The following TFIP11 variants were observed in gnomAD, a reference collection of about 807,000 sequenced individuals.
The protein encoded by TFIP11 is tuftelin interacting protein 11.
Under a neutral mutation model 96.8 loss-of-function variants are expected in TFIP11, and 86 were observed. That is an observed-to-expected ratio of 0.89 (90% CI 0.75 to 1.06). TFIP11 has a LOEUF of 1.06. Ranked by LOEUF, TFIP11 falls within the 50% of genes least tolerant of loss-of-function variation. The pLI is 0.00. For synonymous variants in TFIP11, 405 were observed against 395.2 expected (o/e 1.02, Z -0.29); for missense variants, 881 against 1,076.7 (o/e 0.82, Z 2.54).
chr22:26,501,877 C>A, intron 8 of TFIP11, 23 bp downstream of exon 8: 1 of 1,593,748 alleles, frequency 6.3e-7, no homozygotes, highest in Non-Finnish European at 8.6e-7. Context: ...GATCCTGTAC[C>A]AGGTGTCCAA....
intron 4 of TFIP11, 39 bp from the exon 5 acceptor site, chr22:26,506,967 G>T (rs1272020468): frequency 8.1e-6 from 13 of 1,603,726 alleles, no homozygotes; most frequent in Admixed American, 6.8e-5. Flanking sequence ...GGTCGGTAAA[G>T]AACTCTTTTC....
At chr22:26,508,680 A>G (rs1923702690) in intron 4 of TFIP11, among the ~76,000 whole-genome samples, 1 of 152,112 alleles carries the variant, frequency 6.6e-6, no homozygotes, top group South Asian at 2.1e-4. Context: ...CCCCGTCTCT[A>G]CTAAAAATAC....
intron 10 of TFIP11, 140 bp from the exon 11 acceptor site, chr22:26,497,029 C>A: frequency 9.9e-7 from 1 of 1,011,278 alleles, no homozygotes; most frequent in Non-Finnish European, 1.4e-6. Flanking sequence ...TCAGGCCAGT[C>A]ACCATACTGG....
Position 26,510,054 on chromosome 22 carries a change from C to G in TFIP11, c.209+10G>C. The G allele has an allele frequency of 1.9e-6, 3 of 1,612,358 alleles. No homozygotes were observed. The highest frequency in any genetic ancestry group is 2.7e-5 in the African/African-American group (2 of 74,968). On this transcript the variant is annotated intron_variant, in intron 4 of 14. Coordinates refer to ENST00000407690, the MANE Select transcript of TFIP11 (RefSeq NM_012143.4). ...AAGCAAGGTGAAGCAGCCCCCATGC[C>G]AGGCAATACCGTTTGCCTCCAAAGC...
At chr22:26,504,384 C>A (rs1219285711) in intron 6 of TFIP11, among the ~76,000 whole-genome samples, 1 of 152,210 alleles carries the variant, frequency 6.6e-6, no homozygotes, top group Non-Finnish European at 1.5e-5. Flanking sequence ...CCCTGCCCCC[C>A]TTCCATTTAG....
rs143797070 is a variant in TFIP11, at chr22:26,509,459, G to A, written c.209+605C>T. 9.6e-3 allele frequency among the ~76,000 whole-genome samples: 1,469 copies of A among 152,338 alleles called. 11 individuals carry two copies. The highest frequency in any genetic ancestry group is 0.016 in the Non-Finnish European group (1,066 of 68,036). ...AGTCACAAGTTTGATCGTCTGAGTT[G>A]TTAATGCCTATTTCCATCTTCTAAT... is the stretch of plus-strand genomic sequence containing the variant. On this transcript the variant is annotated intron_variant, in intron 4 of 14. Transcript: ENST00000407690.
At chr22:26,512,012 T>A (rs1244663109) in intron 2 of TFIP11, 87 bp downstream of exon 2, 1 of 152,208 alleles carries the variant, frequency 6.6e-6, no homozygotes, top group African/African-American at 2.4e-5. Flanking sequence ...ATCAACTGTC[T>A]GCATCAAGAC....
In TFIP11 at chr22:26,492,036, T is replaced by C; in HGVS notation, c.2491A>G (p.Ser831Gly). The C allele has an allele frequency of 2.5e-6, 4 of 1,603,244 alleles. No homozygotes were observed. Among genetic ancestry groups the C allele is most frequent in the Non-Finnish European group, 3.4e-6 (4 of 1,174,944 alleles). ...EKTWVPTSLQ[S>G]LIDMAK ...GTTCACTTGGCCATGTCGATCAGGC[T>C]CTGCAGTGAGGTGGGCACCCACGTC... The change falls in exon 15 of 15, where the codon AGC becomes GGC. Residue 831 changes from serine (S) to glycine (G), a missense_variant. By Grantham distance (56) the Ser-to-Gly change is moderately conservative (BLOSUM62 0). Transcript: ENST00000407690.
At chr22:26,498,754 G>A in intron 10 of TFIP11, 115 bp downstream of exon 10, 1 of 772,306 alleles carries the variant, frequency 1.3e-6, no homozygotes. Flanking sequence ...AGCACTGTCA[G>A]CATGAGCAGA....
At chr22:26,494,559 C>T in intron 13 of TFIP11, 2 of 704,240 alleles carry the variant, frequency 2.8e-6, no homozygotes, top group Non-Finnish European at 4.6e-6. Context: ...ATATCCCCTA[C>T]CCCATAGGGT....
intron 13 of TFIP11, 41 bp from the exon 14 acceptor site, chr22:26,494,345 A>C (rs377035333): frequency 6.2e-7 from 1 of 1,613,414 alleles, no homozygotes; most frequent in African/African-American, 1.3e-5. Flanking sequence ...CGTGGCAACA[A>C]ATGAAGGCAA....
chr22:26,498,477 C>A (rs770177309), intron 10 of TFIP11, among the ~76,000 whole-genome samples: 1 of 140,170 alleles, frequency 7.1e-6, no homozygotes, highest in Non-Finnish European at 1.5e-5. Context: ...AGGCAGTTGG[C>A]GGTTGCAGTG....
chr22:26,498,964 A>C lies in TFIP11; in HGVS notation c.1341T>G (p.Tyr447Ter), dbSNP rs570811760. 1.9e-6 allele frequency: 3 copies of C among 1,613,720 alleles called. No individual in the cohort carries two copies. The highest frequency in any genetic ancestry group is 2.2e-5 in the South Asian group (2 of 91,072). ...KEWDPLKDCT[Y>*]GTEIISKWKS... The stretch of plus-strand genomic sequence containing the variant: ...TCCACTTAGAGATGATCTCGGTGCC[A>C]TAAGTGCAGTCCTGAGGAGAAAGGT... Residue 447 changes from tyrosine to a stop codon, truncating the protein, a stop_gained, in exon 10 of 15, where the codon TAT (tyrosine) becomes TAG (stop). Coordinates refer to ENST00000407690, the MANE Select transcript of TFIP11 (RefSeq NM_012143.4). LOFTEE classifies it high-confidence loss of function.
intron 5 of TFIP11, 38 bp downstream of exon 5, chr22:26,506,737 G>A (rs777993404): frequency 6.2e-7 from 1 of 1,610,208 alleles, no homozygotes; most frequent in East Asian, 2.2e-5. Flanking sequence ...GACCTTTGAA[G>A]GATATTCCTA....
At chr22:26,498,818 A>G (rs1273144019) in intron 10 of TFIP11, 51 bp downstream of exon 10, 4 of 1,488,374 alleles carry the variant, frequency 2.7e-6, no homozygotes, top group African/African-American at 1.4e-5. Context: ...AATCCTTCCC[A>G]ACCCCCCAGG....
intron 6 of TFIP11, among the ~76,000 whole-genome samples, chr22:26,504,751 T>C (rs1388938755): frequency 2.0e-5 from 3 of 152,054 alleles, no homozygotes; most frequent in Non-Finnish European, 4.4e-5. Context: ...GTACCTAATG[T>C]TTTCAACACA....
chr22:26,497,148 G>A (rs528172843), intron 10 of TFIP11, among the ~76,000 whole-genome samples: 2 of 152,254 alleles, frequency 1.3e-5, no homozygotes, highest in South Asian at 4.1e-4. Flanking sequence ...AGGGTCACAA[G>A]GGCCTCTTCC....
chr22:26,505,290 T>A (rs1923262366), intron 6 of TFIP11, among the ~76,000 whole-genome samples: 1 of 152,052 alleles, frequency 6.6e-6, no homozygotes. Flanking sequence ...GGGCTGGCCA[T>A]GAGAAGACAG....
At chr22:26,502,107 G>C (rs1237429713) in intron 7 of TFIP11, 55 bp from the exon 8 acceptor site, 1 of 1,608,822 alleles carries the variant, frequency 6.2e-7, no homozygotes, top group South Asian at 1.1e-5. Context: ...TTTTACCACA[G>C]GTGAGGTAGC....
Sources: gnomAD v4.1 joint callset for allele counts (sites outside exome capture counted in the v4.1 genomes callset) on GRCh38, gnomAD v4.1.1 for gene constraint, MANE v1.5 for transcripts, NCBI Gene and HGNC (gene_info 2026-07-23, HGNC 2026-07-21) for gene names.